ATRNL1: variants seen among roughly 807,000 people sequenced by gnomAD.
ATRNL1 encodes attractin-like protein 1.
ATRNL1 carries 95 observed loss-of-function variants against 182.7 expected under a neutral mutation model. That is an observed-to-expected ratio of 0.52 (90% CI 0.44 to 0.62). The LOEUF (loss-of-function observed/expected upper bound fraction) is 0.62. Ranked by LOEUF, ATRNL1 falls within the 20% of genes least tolerant of loss-of-function variation. ATRNL1 has a pLI of 0.00. For synonymous variants in ATRNL1, 576 were observed against 568.3 expected (o/e 1.01, Z -0.19); for missense variants, 1,471 against 1,679.5 (o/e 0.88, Z 2.17).
intron 8 of ATRNL1, among the ~76,000 whole-genome samples, chr10:115,173,586 G>A (rs958417719): frequency 6.6e-6 from 1 of 151,732 alleles, no homozygotes; most frequent in African/African-American, 2.4e-5. Flanking sequence ...AAGTGTTAGT[G>A]TATTTTTCAT....
At chr10:115,281,154 C>A (rs1366148876) in intron 13 of ATRNL1, among the ~76,000 whole-genome samples, 1 of 152,116 alleles carries the variant, frequency 6.6e-6, no homozygotes, top group East Asian at 1.9e-4. Context: ...TAGTTCACCA[C>A]TTGTAGAGGC....
At chr10:115,669,112 G>T (rs911334711) in intron 26 of ATRNL1, among the ~76,000 whole-genome samples, 1 of 151,908 alleles carries the variant, frequency 6.6e-6, no homozygotes, top group Non-Finnish European at 1.5e-5. Flanking sequence ...ATTTATTTTT[G>T]ATTCTGCTTA....
chr10:115,290,326 G>A (rs1395966596), intron 15 of ATRNL1, among the ~76,000 whole-genome samples: 1 of 152,022 alleles, frequency 6.6e-6, no homozygotes, highest in Non-Finnish European at 1.5e-5. Context: ...TCACACCAAG[G>A]AAATCAAGGA....
chr10:115,193,691 T>C (rs1360090408), intron 8 of ATRNL1, among the ~76,000 whole-genome samples: 1 of 151,894 alleles, frequency 6.6e-6, no homozygotes, highest in Non-Finnish European at 1.5e-5. Flanking sequence ...TATTTTTTAT[T>C]ATTGATTTAA....
chr10:115,887,907 G>GC (rs1257939082), intron 28 of ATRNL1, among the ~76,000 whole-genome samples: 1 of 151,756 alleles, frequency 6.6e-6, no homozygotes, highest in Admixed American at 6.6e-5. Flanking sequence ...TTCTGAACTG[G>GC]CCCCCCTGCT....
intron 27 of ATRNL1, among the ~76,000 whole-genome samples, chr10:115,811,465 T>G (rs1950045185): frequency 6.6e-6 from 1 of 152,046 alleles, no homozygotes; most frequent in Admixed American, 6.5e-5. Context: ...TCTTGAATTG[T>G]CAGTTAGATT....
At chr10:115,138,660 G>C (rs904970999) in intron 5 of ATRNL1, among the ~76,000 whole-genome samples, 1 of 152,176 alleles carries the variant, frequency 6.6e-6, no homozygotes, top group Non-Finnish European at 1.5e-5. Flanking sequence ...GAGCAGGGGG[G>C]CCCTGGGCCT....
chr10:115,296,000 A>T (rs189761926), intron 15 of ATRNL1, among the ~76,000 whole-genome samples: 2 of 152,268 alleles, frequency 1.3e-5, no homozygotes, highest in Non-Finnish European at 2.9e-5. Context: ...GTAGGGAATG[A>T]GAAGTGCACA....
chr10:115,559,443 T>TGCGC (rs71476112), intron 26 of ATRNL1, among the ~76,000 whole-genome samples: 4 of 77,860 alleles, frequency 5.1e-5, no homozygotes, highest in East Asian at 4.5e-4. Context: ...TGTGTGTGTG[T>TGCGC]GCGCGCGCGC....
chr10:115,342,852 T>C (rs1554938780), intron 19 of ATRNL1, among the ~76,000 whole-genome samples: 1 of 152,186 alleles, frequency 6.6e-6, no homozygotes, highest in East Asian at 1.9e-4. Context: ...GTAGGATATA[T>C]ATACACTTCA....
chr10:115,706,650 C>T (rs1593099150), intron 26 of ATRNL1, among the ~76,000 whole-genome samples: 1 of 152,014 alleles, frequency 6.6e-6, no homozygotes, highest in South Asian at 2.1e-4. Flanking sequence ...GTGCAGACAT[C>T]CGACTTGTAT....
At chr10:115,566,320 G>A (rs938434597) in intron 26 of ATRNL1, among the ~76,000 whole-genome samples, 6 of 152,104 alleles carry the variant, frequency 3.9e-5, no homozygotes, top group South Asian at 4.1e-4. Flanking sequence ...CATGAAACAC[G>A]TATCTCCTGT....
rs1404465035 is a variant in ATRNL1 at position 115,732,909 on chromosome 10, C to T, written c.3903+5554C>T. On this transcript the variant is annotated intron_variant, in intron 27 of 28. Transcript: ENST00000355044. ...TGTGGATCTTAAGGAAGAACTTTCA[C>T]TTGGAAAGTTATAGGCTGTCTTAGT... 2.6e-5 allele frequency among the ~76,000 whole-genome samples: 4 copies of T among 152,140 alleles called. No homozygotes were observed. In the East Asian group the frequency reaches 7.7e-4, roughly 29 times the overall value.
At chr10:115,874,870 G>A (rs1290125105) in intron 28 of ATRNL1, among the ~76,000 whole-genome samples, 6 of 152,140 alleles carry the variant, frequency 3.9e-5, no homozygotes, top group Non-Finnish European at 5.9e-5. Flanking sequence ...GATCTGGTAG[G>A]AATTGGGAAA....
chr10:115,882,920 A>C (rs782100568), intron 28 of ATRNL1, among the ~76,000 whole-genome samples: 73 of 152,334 alleles, frequency 4.8e-4, no homozygotes, highest in Non-Finnish European at 9.0e-4. Context: ...GTTACAATAC[A>C]TCATAGCTCC....
intron 27 of ATRNL1, among the ~76,000 whole-genome samples, chr10:115,830,096 A>G (rs1555093154): frequency 6.6e-6 from 1 of 152,232 alleles, no homozygotes; most frequent in African/African-American, 2.4e-5. Flanking sequence ...CTGCAGTTCT[A>G]GCTGCATATA....
At chr10:115,145,146 G>T (rs1173198743) in intron 5 of ATRNL1, among the ~76,000 whole-genome samples, 1 of 152,048 alleles carries the variant, frequency 6.6e-6, no homozygotes, top group African/African-American at 2.4e-5. Flanking sequence ...TTTGAAGTTA[G>T]TCTTTTCTAA....
intron 15 of ATRNL1, among the ~76,000 whole-genome samples, chr10:115,290,673 A>G (rs1302914956): frequency 6.6e-6 from 1 of 151,958 alleles, no homozygotes; most frequent in Non-Finnish European, 1.5e-5. Context: ...CCCGTCCAAA[A>G]AAGAGCAGAG....
intron 8 of ATRNL1, among the ~76,000 whole-genome samples, chr10:115,193,703 T>A (rs1171397479): frequency 6.6e-6 from 1 of 151,940 alleles, no homozygotes; most frequent in African/African-American, 2.4e-5. Context: ...TTGATTTAAT[T>A]TCTGCTCTGA....
Sources: allele counts gnomAD v4.1 joint callset (sites outside exome capture counted in the v4.1 genomes callset), GRCh38; gene constraint gnomAD v4.1.1; transcripts MANE v1.5; gene names NCBI Gene and HGNC (gene_info 2026-07-23, HGNC 2026-07-21).